The following AGMAT variants were observed in gnomAD, a reference collection of about 807,000 sequenced individuals.
AGMAT encodes agmatinase (putative), also known as guanidino acid hydrolase, mitochondrial.
In AGMAT, 37 loss-of-function variants were observed where a neutral mutation model predicts 29.3. The ratio of observed to expected loss-of-function variants is 1.26; its 90% CI spans 0.97 to 1.66. The LOEUF is 1.66. AGMAT is among the 40% of genes most tolerant of loss of function. AGMAT has a pLI of 0.00. For missense variants in AGMAT, 498 were observed against 497.8 expected (o/e 1.00, Z 0.00); for synonymous variants, 199 against 200.8 (o/e 0.99, Z 0.08).
chr1:15,577,940 C>T, intron 4 of AGMAT, 76 bp from the exon 5 acceptor site: 6 of 1,427,842 alleles, frequency 4.2e-6, no homozygotes, highest in Non-Finnish European at 5.8e-6. Flanking sequence ...CCATGCTCAG[C>T]TCTGTGTGCA....
At chr1:15,577,953 T>A in intron 4 of AGMAT, 89 bp from the exon 5 acceptor site, 1 of 1,247,674 alleles carries the variant, frequency 8.0e-7, no homozygotes. Flanking sequence ...TGTGTGCACA[T>A]GACACTTGAC....
intron 2 of AGMAT, among the ~76,000 whole-genome samples, chr1:15,582,779 C>G (rs1290789522): frequency 6.6e-6 from 1 of 152,186 alleles, no homozygotes; most frequent in Admixed American, 6.5e-5. Context: ...GGGCGGATCA[C>G]TTGAGGTCAG....
intron 1 of AGMAT, among the ~76,000 whole-genome samples, chr1:15,584,306 C>A (rs1189586366): frequency 1.2e-5 from 1 of 85,670 alleles, no homozygotes; most frequent in Admixed American, 9.7e-5. Context: ...CCATGCCCGG[C>A]TTTTTTTTTC....
Position 15,577,872 on chromosome 1 carries a change from G to T in AGMAT, c.721-8C>A. 1 of 1,612,910 alleles carries T rather than the reference G, an allele frequency of 6.2e-7. No homozygotes were observed. The highest frequency in any genetic ancestry group is 1.1e-5 in the South Asian group (1 of 90,988). On this transcript the variant is annotated splice_region_variant and splice_polypyrimidine_tract_variant and intron_variant, in intron 4 of 6. Coordinates refer to ENST00000375826, the MANE Select transcript of AGMAT (RefSeq NM_024758.5). Reference sequence around the variant, plus strand: ...CAGGACTACCCGGAAGCCCTGCAGAGACAGGGACTGAGGTTTCTGTCTGGC... The same window carrying T: ...CAGGACTACCCGGAAGCCCTGCAGATACAGGGACTGAGGTTTCTGTCTGGC...
chr1:15,579,122 C>A (rs766121643), intron 3 of AGMAT, 68 bp from the exon 4 acceptor site: 1 of 1,496,168 alleles, frequency 6.7e-7, no homozygotes. Context: ...ACCCTTCGGG[C>A]CACCAAAACT....
intron 5 of AGMAT, among the ~76,000 whole-genome samples, chr1:15,576,823 C>T (rs1447161454): frequency 1.1e-4 from 14 of 133,070 alleles, no homozygotes; most frequent in African/African-American, 3.9e-4. Flanking sequence ...TATCTCGGCT[C>T]ACTGCAAGCT....
At chr1:15,581,525 C>G (rs1639113646) in intron 2 of AGMAT, among the ~76,000 whole-genome samples, 2 of 150,824 alleles carry the variant, frequency 1.3e-5, no homozygotes, top group Non-Finnish European at 2.9e-5. Flanking sequence ...ATGTGACACA[C>G]ATGTGACATA....
Position 15,574,806 on chromosome 1 carries a change from G to T in AGMAT, c.936C>A (p.Asn312Lys). The change falls in exon 6 of 7, where the codon AAC (asparagine) becomes AAA (lysine). Residue 312 changes from asparagine (N) to lysine (K), a missense_variant. Transcript: ENST00000375826. ...CTTCGACAAGATCACAGCCCATCAC[G>T]TTCAGGCCTTGACAACCCCTGATGA... ...LEIIRGCQGL[N>K]VMGCDLVEVS... 6.2e-7 allele frequency: 1 copy of T among 1,613,916 alleles called. No homozygotes were observed. The highest frequency in any genetic ancestry group is 1.3e-5 in the African/African-American group (1 of 74,982).
intron 5 of AGMAT, 60 bp from the exon 6 acceptor site, chr1:15,574,901 A>G: frequency 2.2e-6 from 3 of 1,388,430 alleles, no homozygotes; most frequent in Non-Finnish European, 2.0e-6. Flanking sequence ...AAAAGCACCC[A>G]GTAGAGCTTT....
chr1:15,573,580 C>G lies in AGMAT; in HGVS notation c.*71G>C. 1 of 1,425,700 alleles carries G rather than the reference C, an allele frequency of 7.0e-7. No homozygotes were observed. Among genetic ancestry groups the G allele is most frequent in the Non-Finnish European group, 9.9e-7 (1 of 1,010,706 alleles). The allele number at this position is 1,425,700 out of a possible 1,614,324, so 88.3% of individuals were successfully genotyped here. On this transcript the variant is annotated 3_prime_UTR_variant, in exon 7 of 7. Coordinates refer to ENST00000375826, the MANE Select transcript of AGMAT (RefSeq NM_024758.5). ...TGGCATAAACTCTTTAGTTCTCAGA[C>G]TGCTTACTCATAAGTTCTTCTTGAG... is the stretch of plus-strand genomic sequence containing the variant.
intron 5 of AGMAT, chr1:15,575,888 G>A (rs577100554): frequency 6.6e-6 from 1 of 152,072 alleles, no homozygotes; most frequent in African/African-American, 2.4e-5. Flanking sequence ...TAGTAGCTGG[G>A]ACTACAGGTG....
intron 5 of AGMAT, among the ~76,000 whole-genome samples, chr1:15,576,446 T>C (rs577042959): frequency 4.0e-5 from 6 of 151,364 alleles, no homozygotes; most frequent in East Asian, 2.0e-4. Context: ...GGTTTTTTTT[T>C]TGAGGTGGAG....
Position 15,573,677 on chromosome 1 carries a change from C to A in AGMAT, c.1033G>T (p.Ala345Ser). ...AANLLFEMLC[A>S]LPKVTTV ...CAGACGGTTGTCACTTTGGGGAGAG[C>A]ACATAGCATCTCAAACAGCAGGTTA... is the stretch of plus-strand genomic sequence containing the variant. The change falls in exon 7 of 7, where the codon GCT becomes TCT. Residue 345 changes from alanine to serine, a missense_variant. Transcript: ENST00000375826. The A allele has an allele frequency of 6.2e-7, 1 of 1,614,180 alleles. No individual in the cohort carries two copies. The highest frequency in any genetic ancestry group is 8.5e-7 in the Non-Finnish European group (1 of 1,180,030).
At chr1:15,577,434 G>A (rs530542407) in intron 5 of AGMAT, among the ~76,000 whole-genome samples, 5 of 152,248 alleles carry the variant, frequency 3.3e-5, no homozygotes, top group East Asian at 1.9e-4. Flanking sequence ...TTAGCCGGGC[G>A]TAGTGGCATG....
At chr1:15,577,300 C>T (rs1321341856) in intron 5 of AGMAT, among the ~76,000 whole-genome samples, 1 of 152,016 alleles carries the variant, frequency 6.6e-6, no homozygotes, top group Non-Finnish European at 1.5e-5. Flanking sequence ...GGCAGCCAGG[C>T]GCGGTGGCTG....
At chr1:15,577,400 C>T (rs999704918) in intron 5 of AGMAT, among the ~76,000 whole-genome samples, 4 of 152,002 alleles carry the variant, frequency 2.6e-5, no homozygotes, top group African/African-American at 9.7e-5. Flanking sequence ...TGGTGAAACC[C>T]CATCTCTACT....
rs1638976791 is a variant in AGMAT at position 15,572,825 on chromosome 1, T to A, written c.*826A>T. On this transcript the variant is annotated 3_prime_UTR_variant, in exon 7 of 7. Coordinates refer to ENST00000375826, the MANE Select transcript of AGMAT (RefSeq NM_024758.5). ...ACCTCATAGGAGAAGCTGTATTTTT[T>A]TTTTTTTTTTTTGAGATGGAGTCTT... The A allele has an allele frequency of 6.6e-6, 1 of 151,560 alleles. No homozygotes were observed. The highest frequency in any genetic ancestry group is 2.1e-4 in the South Asian group (1 of 4,758). 9.4% of individuals were successfully genotyped at this position (151,560 alleles called of 1,614,324 possible).
intron 5 of AGMAT, among the ~76,000 whole-genome samples, chr1:15,577,101 T>C (rs1244979348): frequency 6.6e-6 from 1 of 152,080 alleles, no homozygotes; most frequent in Non-Finnish European, 1.5e-5. Flanking sequence ...TATGAACTGT[T>C]GTTTTCATGA....
chr1:15,575,225 G>T (rs1017200177), intron 5 of AGMAT: 16 of 166,812 alleles, frequency 9.6e-5, no homozygotes, highest in Non-Finnish European at 1.3e-4. Context: ...ACAGGCAAAG[G>T]CACCAAGATG....
Sources: allele counts gnomAD v4.1 joint callset (sites outside exome capture counted in the v4.1 genomes callset), GRCh38; gene constraint gnomAD v4.1.1; transcripts MANE v1.5; gene names NCBI Gene and HGNC (gene_info 2026-07-23, HGNC 2026-07-21).